B3GALT5: variants seen among roughly 807,000 people sequenced by gnomAD.
B3GALT5 encodes beta-1,3-galactosyltransferase 5.
For synonymous variants in B3GALT5, 156 were observed against 158.6 expected, an observed-to-expected ratio of 0.98 and a Z score of 0.12; for missense variants, 328 against 396.6, an observed-to-expected ratio of 0.83 and a Z score of 1.47.
At chr21:39,621,995 T>C (rs2123686022) in intron 1 of B3GALT5, among the ~76,000 whole-genome samples, 1 of 152,248 alleles carries the variant, frequency 6.6e-6, no homozygotes, top group East Asian at 1.9e-4. Context: ...ATATGCTTAA[T>C]GTATTCTACA....
intron 1 of B3GALT5, among the ~76,000 whole-genome samples, chr21:39,625,230 T>G (rs570346796): frequency 6.6e-6 from 1 of 152,310 alleles, no homozygotes; most frequent in East Asian, 1.9e-4. Flanking sequence ...GAGGAGTTTT[T>G]CCAGGCTAAT....
chr21:39,615,694 G>A (rs2079103987), intron 1 of B3GALT5, among the ~76,000 whole-genome samples: 1 of 152,206 alleles, frequency 6.6e-6, no homozygotes, highest in Non-Finnish European at 1.5e-5. Context: ...CTATGCCTCA[G>A]TTTCGTTAAT....
At chr21:39,620,422 A>G (rs1159129077) in intron 1 of B3GALT5, among the ~76,000 whole-genome samples, 1 of 152,054 alleles carries the variant, frequency 6.6e-6, no homozygotes, top group Non-Finnish European at 1.5e-5. Flanking sequence ...AATGTGATGC[A>G]TTTTCTATTG....
At chr21:39,659,584 A>T (rs2079488348) in intron 2 of B3GALT5, among the ~76,000 whole-genome samples, 169 bp from the exon 3 acceptor site, 1 of 152,144 alleles carries the variant, frequency 6.6e-6, no homozygotes. Context: ...GTTTGCCTTG[A>T]TCATACCCAT....
In B3GALT5 at chr21:39,661,210, C is replaced by A. The variant is rs560831388; in HGVS notation, c.651C>A (p.Thr217=). Reference sequence around the variant, plus strand: ...GGTACCCACCATTCTGCTCCGGCACCGGCTACGTGTTTTCTGGCGACGTGG... The same window carrying A: ...GGTACCCACCATTCTGCTCCGGCACAGGCTACGTGTTTTCTGGCGACGTGG... The part of the protein sequence containing the change: ...WDRYPPFCSG[T]GYVFSGDVAS... The change falls in exon 4 of 4, where the codon ACC becomes ACA. Residue 217 remains threonine (T), a synonymous_variant. Transcript: ENST00000684187. This position sits in a 1 kb window ranked among gnomAD's most constrained non-coding sequence, Gnocchi z 4.7. 6.2e-7 allele frequency: 1 copy of A among 1,614,146 alleles called. No homozygotes were observed.
In B3GALT5 at chr21:39,671,703, A is replaced by C. The variant is rs1197366992; in HGVS notation, c.*10211A>C. The stretch of plus-strand genomic sequence containing the variant: ...GTGTATTTGAAGTAAACTCTTAACT[A>C]TGTCTCTGGGATATGAAAGGTGCTT... On this transcript the variant is annotated 3_prime_UTR_variant, in exon 4 of 4. Transcript: ENST00000684187. The C allele has an allele frequency of 6.6e-6, 1 of 152,198 alleles. No individual in the cohort carries two copies. The highest frequency in any genetic ancestry group is 1.5e-5 in the Non-Finnish European group (1 of 68,030). The allele number at this position is 152,198 out of a possible 1,614,324, so 9.4% of individuals were successfully genotyped here.
At chr21:39,642,820 GA>G (rs1412903548) in intron 1 of B3GALT5, among the ~76,000 whole-genome samples, 3 of 149,688 alleles carry the variant, frequency 2.0e-5, no homozygotes, top group Non-Finnish European at 2.9e-5. Flanking sequence ...ATCATGGCTG[GA>G]AGCCAGGAGT....
chr21:39,616,228 C>T (rs2079106761), intron 1 of B3GALT5, among the ~76,000 whole-genome samples: 1 of 152,190 alleles, frequency 6.6e-6, no homozygotes, highest in Non-Finnish European at 1.5e-5. Flanking sequence ...GAAACCATTC[C>T]TCAGTGTTCC....
rs528818591 is a variant in B3GALT5, at chr21:39,616,146, G to C, written c.-392+3079G>C. ...GAGCATTGCTTGAGTCCAGAAGTTT[G>C]AGACCAGCCTGGACAACATAGCAAG... is the stretch of plus-strand genomic sequence containing the variant. On this transcript the variant is annotated intron_variant, in intron 1 of 3. Transcript: ENST00000684187. Among the ~76,000 whole-genome samples the C allele has an allele frequency of 3.0e-4, 45 of 152,168 alleles. 1 individual carries two copies. The highest frequency in any genetic ancestry group is 7.8e-4 in the Admixed American group (12 of 15,288).
intron 1 of B3GALT5, among the ~76,000 whole-genome samples, chr21:39,644,403 C>T (rs930738162): frequency 2.6e-5 from 4 of 152,248 alleles, no homozygotes; most frequent in Non-Finnish European, 2.9e-5. Flanking sequence ...TCATCTTTGT[C>T]GCCATTTTAT....
Position 39,661,382 on chromosome 21 carries a change from G to C in B3GALT5, c.823G>C (p.Val275Leu). ...TFFPGGLRFS[V>L]CLFRRIVACH... ...TTTTCCAGGGGGCTTACGCTTCTCC[G>C]TATGCCTCTTCAGGAGGATCGTGGC... is the stretch of plus-strand genomic sequence containing the variant. The change falls in exon 4 of 4, where the codon GTA (valine) becomes CTA (leucine). Residue 275 changes from valine (V) to leucine (L), a missense_variant. Transcript: ENST00000684187. The surrounding 1 kb of genome is among the most constrained non-coding windows in gnomAD (Gnocchi z 4.7). The C allele has an allele frequency of 6.3e-7, 1 of 1,594,612 alleles. No individual in the cohort carries two copies.
chr21:39,653,441 G>A (rs746464085), intron 2 of B3GALT5, among the ~76,000 whole-genome samples: 8 of 152,178 alleles, frequency 5.3e-5, no homozygotes, highest in Non-Finnish European at 1.0e-4. Context: ...TCTGGCTCTT[G>A]AAGCTTATCA....
chr21:39,649,765 G>T (rs2079377181), intron 2 of B3GALT5, among the ~76,000 whole-genome samples: 1 of 152,162 alleles, frequency 6.6e-6, no homozygotes. Context: ...TTGGGGATCT[G>T]GAGGCAGAGT....
At chr21:39,657,799 T>C in intron 2 of B3GALT5, 1 of 1,162,942 alleles carries the variant, frequency 8.6e-7, no homozygotes. Flanking sequence ...CCCTGACTAA[T>C]ACACCTGGAG....
chr21:39,661,315 G>A lies in B3GALT5; in HGVS notation c.756G>A (p.Arg252=), dbSNP rs756078682. The part of the protein sequence containing the change: ...EDVFVGLCLE[R]LNIRLEELHS... Reference sequence around the variant, plus strand: ...TGTTTGTGGGGCTCTGCCTCGAAAGGCTGAACATCAGATTGGAGGAGCTCC... The same window carrying A: ...TGTTTGTGGGGCTCTGCCTCGAAAGACTGAACATCAGATTGGAGGAGCTCC... The change falls in exon 4 of 4, where the codon AGG becomes AGA. Residue 252 remains arginine (R), a synonymous_variant. Coordinates refer to ENST00000684187, the MANE Select transcript of B3GALT5 (RefSeq NM_001356336.2). The surrounding 1 kb of genome is among the most constrained non-coding windows in gnomAD (Gnocchi z 4.7). The A allele has an allele frequency of 1.9e-6, 3 of 1,614,102 alleles. No individual in the cohort carries two copies. Among genetic ancestry groups the A allele is most frequent in the South Asian group, 1.1e-5 (1 of 91,062 alleles).
chr21:39,642,773 C>T (rs891202122), intron 1 of B3GALT5, among the ~76,000 whole-genome samples: 2 of 151,244 alleles, frequency 1.3e-5, no homozygotes, highest in East Asian at 1.9e-4. Flanking sequence ...TGGTGGCTCA[C>T]GCCTGTAATC....
At chr21:39,653,038 A>C (rs918924131) in intron 2 of B3GALT5, among the ~76,000 whole-genome samples, 53 of 151,800 alleles carry the variant, frequency 3.5e-4, no homozygotes, top group African/African-American at 1.2e-3. Context: ...ATTTCCACCC[A>C]TGTAATCACC....
At chr21:39,621,212 T>C (rs2079132540) in intron 1 of B3GALT5, among the ~76,000 whole-genome samples, 1 of 152,254 alleles carries the variant, frequency 6.6e-6, no homozygotes. Context: ...ACACCCTTTG[T>C]CAAATTAAGA....
At chr21:39,636,971 A>G (rs1376170193) in intron 1 of B3GALT5, among the ~76,000 whole-genome samples, 1 of 152,118 alleles carries the variant, frequency 6.6e-6, no homozygotes, top group African/African-American at 2.4e-5. Context: ...CATTCATGGG[A>G]CTGTTTCTTG....
Sources: gnomAD v4.1 joint callset for allele counts (sites outside exome capture counted in the v4.1 genomes callset) on GRCh38, gnomAD v4.1.1 for gene constraint, Gnocchi (gnomAD v3.1) non-coding constraint, MANE v1.5 for transcripts, NCBI Gene and HGNC (gene_info 2026-07-23, HGNC 2026-07-21) for gene names.